GAB2: variants seen among roughly 807,000 people sequenced by gnomAD.
The protein encoded by GAB2 is GRB2 associated binding protein 2, also known as GRB2-associated-binding protein 2.
GAB2 carries 26 observed loss-of-function variants against 65.5 expected under a neutral mutation model. The observed-to-expected ratio is 0.40, with a 90% CI of 0.29 to 0.55. The LOEUF is 0.55. Ranked by LOEUF, GAB2 falls within the 20% of genes least tolerant of loss-of-function variation. GAB2 has a pLI of 0.53. For missense variants in GAB2, 884 were observed against 875.8 expected (o/e 1.01, Z -0.12); for synonymous variants, 321 against 329.6 (o/e 0.97, Z 0.28).
intron 1 of GAB2, among the ~76,000 whole-genome samples, chr11:78,401,518 G>C (rs1488022574): frequency 6.8e-6 from 1 of 147,872 alleles, no homozygotes; most frequent in African/African-American, 2.5e-5. Context: ...GTGTGTGTGT[G>C]TGTGTGTGTG....
intron 2 of GAB2, among the ~76,000 whole-genome samples, chr11:78,257,561 A>G (rs1170719808): frequency 2.0e-5 from 3 of 152,196 alleles, no homozygotes; most frequent in Non-Finnish European, 2.9e-5. Flanking sequence ...TATTGCTCCT[A>G]TTCCTGGAGT....
chr11:78,314,765 G>C (rs1477480640), intron 1 of GAB2, among the ~76,000 whole-genome samples: 1 of 152,138 alleles, frequency 6.6e-6, no homozygotes, highest in Non-Finnish European at 1.5e-5. Context: ...TTATGCAAAG[G>C]AACAAAAACT....
chr11:78,253,385 G>A lies in GAB2; in HGVS notation c.377-2985C>T, dbSNP rs549626737. 6.6e-5 allele frequency among the ~76,000 whole-genome samples: 10 copies of A among 152,114 alleles called. No individual in the cohort carries two copies. The East Asian group carries it at 1.2e-3, about 18-fold the overall frequency. ...TAGCTCACTATAACCTCGAACTCCC[G>A]GGCTCAAGCAATCTTCCTGCCTTAG... On this transcript the variant is annotated intron_variant, in intron 2 of 9. Transcript: ENST00000361507.
chr11:78,341,775 C>A lies in GAB2; in HGVS notation c.76-60874G>T, dbSNP rs186126943. ...CAAAACTCACCTTTTCATGATGATA[C>A]CAAAGGTCTAATTCCCTCACTTGTC... On this transcript the variant is annotated intron_variant, in intron 1 of 9. Coordinates refer to ENST00000361507, the MANE Select transcript of GAB2 (RefSeq NM_080491.3). The A allele has an allele frequency of 1.5e-5, 15 of 986,226 alleles. No homozygotes were observed. In the East Asian group the frequency reaches 1.1e-3, roughly 75 times the overall value. The allele number at this position is 986,226 out of a possible 1,614,324, so 61.1% of individuals were successfully genotyped here. A position where few individuals can be genotyped will look rare whatever the true frequency, so the allele number is the denominator to read the frequency against.
chr11:78,277,532 G>A (rs1488897873), intron 2 of GAB2, among the ~76,000 whole-genome samples: 1 of 152,218 alleles, frequency 6.6e-6, no homozygotes, highest in Non-Finnish European at 1.5e-5. Flanking sequence ...CAGGAGATAG[G>A]CAAGTCTCAA....
intron 1 of GAB2, among the ~76,000 whole-genome samples, chr11:78,336,452 A>G: frequency 7.0e-6 from 1 of 143,596 alleles, no homozygotes; most frequent in East Asian, 2.0e-4. Flanking sequence ...CTGCAACTTT[A>G]CTGAATTTAT....
At chr11:78,369,506 ATTCT>A (rs1395846469) in intron 1 of GAB2, among the ~76,000 whole-genome samples, 1 of 152,226 alleles carries the variant, frequency 6.6e-6, no homozygotes, top group Non-Finnish European at 1.5e-5. Context: ...TTGTGTTCCC[ATTCT>A]TTCTCATTAG....
At chr11:78,270,701 A>T (rs2512541) in intron 2 of GAB2, among the ~76,000 whole-genome samples, 30,446 of 152,184 alleles carry the variant, frequency 0.2, 3,295 homozygotes, top group East Asian at 0.4. Flanking sequence ...AAATATTTAA[A>T]TTATATTCTG....
intron 1 of GAB2, among the ~76,000 whole-genome samples, chr11:78,323,790 CTTT>C (rs749282969): frequency 1.3e-3 from 98 of 77,250 alleles, no homozygotes; most frequent in African/African-American, 4.7e-3. Flanking sequence ...CTGAATCTTT[CTTT>C]TTTTTTTTTT....
At chr11:78,329,775 C>A (rs1436846074) in intron 1 of GAB2, among the ~76,000 whole-genome samples, 1 of 152,164 alleles carries the variant, frequency 6.6e-6, no homozygotes, top group Non-Finnish European at 1.5e-5. Flanking sequence ...TGTATCTCGC[C>A]ATATTGCTAC....
intron 2 of GAB2, among the ~76,000 whole-genome samples, chr11:78,263,003 C>G (rs1228396679): frequency 2.0e-5 from 3 of 152,210 alleles, no homozygotes; most frequent in African/African-American, 7.2e-5. Flanking sequence ...CTACAAAGTA[C>G]AGATGACAAA....
chr11:78,393,277 T>A (rs1245400286), intron 1 of GAB2, among the ~76,000 whole-genome samples: 1 of 152,110 alleles, frequency 6.6e-6, no homozygotes, highest in Non-Finnish European at 1.5e-5. Flanking sequence ...TGCTGGAGAT[T>A]CCCCCGCTCT....
Position 78,219,263 on chromosome 11 carries a change from GC to G in GAB2, c.*8del. The G allele has an allele frequency of 6.2e-7, 1 of 1,612,026 alleles. No homozygotes were observed. Among genetic ancestry groups the G allele is most frequent in the East Asian group, 2.2e-5 (1 of 44,840 alleles). ...ATGCTGCCTCCTGGGCTCTGCGGTG[GC>G]CCTCTCATCACAGCTTGGCACCCTT... On this transcript the variant is annotated 3_prime_UTR_variant, in exon 10 of 10. Transcript: ENST00000361507.
At chr11:78,312,507 C>G (rs1855521415) in intron 1 of GAB2, among the ~76,000 whole-genome samples, 1 of 152,210 alleles carries the variant, frequency 6.6e-6, no homozygotes, top group Admixed American at 6.5e-5. Flanking sequence ...CTCAGTGCAA[C>G]CTCCACCTCG....
chr11:78,350,265 G>C (rs1188752427), intron 1 of GAB2, among the ~76,000 whole-genome samples: 2 of 152,196 alleles, frequency 1.3e-5, no homozygotes, highest in African/African-American at 4.8e-5. Context: ...CTAGCGGGTA[G>C]CTCAGGAGGG....
intron 1 of GAB2, among the ~76,000 whole-genome samples, chr11:78,300,422 A>C (rs753980255): frequency 1.1e-4 from 16 of 151,848 alleles, no homozygotes; most frequent in Non-Finnish European, 1.2e-4. Context: ...ATTATTGTAC[A>C]AGTCTTTTTT....
intron 3 of GAB2, among the ~76,000 whole-genome samples, chr11:78,240,061 C>T (rs1387832470): frequency 6.6e-6 from 1 of 151,834 alleles, no homozygotes; most frequent in Non-Finnish European, 1.5e-5. Context: ...GCCCCTCTCC[C>T]CACTCCCTTG....
chr11:78,359,961 G>A lies in GAB2; in HGVS notation c.75+57685C>T, dbSNP rs567134600. Among the ~76,000 whole-genome samples, 4 of 152,258 alleles carry A rather than the reference G, an allele frequency of 2.6e-5. No individual in the cohort carries two copies. In the East Asian group the frequency reaches 7.7e-4, roughly 29 times the overall value. On this transcript the variant is annotated intron_variant, in intron 1 of 9. Coordinates refer to ENST00000361507, the MANE Select transcript of GAB2 (RefSeq NM_080491.3). ...ATATTCATAGGCAGCACTTCTCTTG[G>A]AGAATTCAGGGAAACTCTAAATGTA...
intron 1 of GAB2, among the ~76,000 whole-genome samples, chr11:78,395,640 A>G (rs1171877671): frequency 1.3e-5 from 2 of 152,214 alleles, no homozygotes; most frequent in African/African-American, 4.8e-5. Flanking sequence ...CCTTGAGAGG[A>G]GAAGGGAGAT....
Sources: allele counts gnomAD v4.1 joint callset (sites outside exome capture counted in the v4.1 genomes callset), GRCh38; gene constraint gnomAD v4.1.1; transcripts MANE v1.5; gene names NCBI Gene and HGNC (gene_info 2026-07-23, HGNC 2026-07-21).